MCC: variants seen among roughly 807,000 people sequenced by gnomAD.
MCC encodes colorectal mutant cancer protein.
In MCC, 90 loss-of-function variants were observed where a neutral mutation model predicts 116.2. That is an observed-to-expected ratio of 0.77 (90% CI 0.65 to 0.92). MCC has a LOEUF of 0.92. Ranked by LOEUF, MCC falls within the 40% of genes least tolerant of loss-of-function variation. The pLI is 0.00. For missense variants in MCC, 1,516 were observed against 1,312.2 expected (o/e 1.16, Z -2.40); for synonymous variants, 578 against 510.5 (o/e 1.13, Z -1.78).
intron 3 of MCC, among the ~76,000 whole-genome samples, chr5:113,196,556 T>G (rs1315343967): frequency 6.6e-6 from 1 of 152,174 alleles, no homozygotes; most frequent in African/African-American, 2.4e-5. Flanking sequence ...CAATGTTAAT[T>G]TAAAAAATAC....
At chr5:113,367,408 T>G (rs1768722832) in intron 2 of MCC, among the ~76,000 whole-genome samples, 1 of 145,106 alleles carries the variant, frequency 6.9e-6, no homozygotes. Context: ...TCAAATTTAG[T>G]GTGAAGGCTT....
intron 1 of MCC, among the ~76,000 whole-genome samples, chr5:113,420,493 A>T (rs900702683): frequency 3.3e-5 from 5 of 152,154 alleles, no homozygotes; most frequent in African/African-American, 1.2e-4. Flanking sequence ...GATCATCTCT[A>T]TGAAATAAAT....
At chr5:113,244,234 T>C (rs1367675793) in intron 3 of MCC, among the ~76,000 whole-genome samples, 1 of 152,222 alleles carries the variant, frequency 6.6e-6, no homozygotes, top group South Asian at 2.1e-4. Context: ...CCTCAGCTAA[T>C]GATATATTTT....
chr5:113,280,786 A>G lies in MCC; in HGVS notation c.627+59733T>C, dbSNP rs139176487. ...TTCTCCTTTTACCTGTTGGATATTC[A>G]GACCAACCTAGGTTGGAGGCAACAG... On this transcript the variant is annotated intron_variant, in intron 3 of 18. Coordinates refer to ENST00000408903, the MANE Select transcript of MCC (RefSeq NM_001085377.2). 4.1e-3 allele frequency among the ~76,000 whole-genome samples: 625 copies of G among 151,828 alleles called. 7 individuals carry two copies. The highest frequency in any genetic ancestry group is 0.014 in the African/African-American group (580 of 41,116).
chr5:113,143,452 T>A, intron 4 of MCC, 92 bp from the exon 5 acceptor site: 1 of 1,343,206 alleles, frequency 7.4e-7, no homozygotes, highest in Non-Finnish European at 1.0e-6. Context: ...CCATTACAAC[T>A]GCCAACACTG....
chr5:113,349,659 A>G (rs1016119871), intron 2 of MCC, among the ~76,000 whole-genome samples: 1 of 152,100 alleles, frequency 6.6e-6, no homozygotes, highest in Non-Finnish European at 1.5e-5. Context: ...CAGTTTCACC[A>G]CTGTTATTCA....
intron 3 of MCC, among the ~76,000 whole-genome samples, chr5:113,171,890 G>C (rs7711281): frequency 0.014 from 2,070 of 152,288 alleles, 64 homozygotes; most frequent in African/African-American, 0.046. Flanking sequence ...ACATAAGGAA[G>C]GCTCTCCCTT....
chr5:113,094,423 CTTTTT>C (rs397798890), intron 8 of MCC, among the ~76,000 whole-genome samples: 1 of 134,762 alleles, frequency 7.4e-6, no homozygotes, highest in Non-Finnish European at 1.6e-5. Flanking sequence ...GGCAATCTTC[CTTTTT>C]TTTTTTTTTT....
chr5:113,048,225 C>T (rs1229280034), intron 16 of MCC, among the ~76,000 whole-genome samples: 1 of 152,238 alleles, frequency 6.6e-6, no homozygotes, highest in Non-Finnish European at 1.5e-5. Context: ...TCCCCCTTAA[C>T]TGCAGTTTTG....
chr5:113,227,057 C>T (rs1763768004), intron 3 of MCC, among the ~76,000 whole-genome samples: 1 of 152,168 alleles, frequency 6.6e-6, no homozygotes, highest in South Asian at 2.1e-4. Flanking sequence ...AGCAGAGACA[C>T]CCAGGCTCAG....
chr5:113,253,026 A>C (rs912918516), intron 3 of MCC, among the ~76,000 whole-genome samples: 4 of 152,212 alleles, frequency 2.6e-5, no homozygotes, highest in Admixed American at 2.0e-4. Context: ...TTAATTTCTC[A>C]AAAATGTAAT....
intron 5 of MCC, among the ~76,000 whole-genome samples, chr5:113,136,950 G>C (rs1758870337): frequency 6.6e-6 from 1 of 152,122 alleles, no homozygotes; most frequent in African/African-American, 2.4e-5. Flanking sequence ...TTAGAGGAAA[G>C]GCCTTCAGTT....
rs1289820455 is a variant in MCC at position 113,325,288 on chromosome 5, C to A, written c.627+15231G>T. On this transcript the variant is annotated intron_variant, in intron 3 of 18. Coordinates refer to ENST00000408903, the MANE Select transcript of MCC (RefSeq NM_001085377.2). ...AACCCTTTGAAAGATATTATAGGGG[C>A]AGCGCTTGAAAAGACAAACTAAATG... Among the ~76,000 whole-genome samples, 4 of 152,264 alleles carry A rather than the reference C, an allele frequency of 2.6e-5. No individual in the cohort carries two copies. The East Asian group carries it at 7.7e-4, about 29-fold the overall frequency.
At chr5:113,133,059 G>C (rs976253463) in intron 5 of MCC, among the ~76,000 whole-genome samples, 4 of 151,906 alleles carry the variant, frequency 2.6e-5, no homozygotes, top group Non-Finnish European at 4.4e-5. Flanking sequence ...GGGTACCTGT[G>C]ACATTTTCAT....
At position 113,357,801 on chromosome 5, in the gene MCC, T is replaced by C. The variant is rs76687020; in HGVS notation, c.416-17071A>G. 2.0e-3 allele frequency among the ~76,000 whole-genome samples: 308 copies of C among 152,256 alleles called. 6 individuals are homozygous for C. Among genetic ancestry groups the C allele is most frequent in the East Asian group, 0.02 (103 of 5,172 alleles). On this transcript the variant is annotated intron_variant, in intron 2 of 18. Coordinates refer to ENST00000408903, the MANE Select transcript of MCC (RefSeq NM_001085377.2). ...CCAAGTGCTAGCAGGCCACTGAGCA[T>C]GTGGATAGCCCAACCAAAGGGAAGA...
chr5:113,420,818 A>T (rs1770312970), intron 1 of MCC, among the ~76,000 whole-genome samples: 1 of 152,138 alleles, frequency 6.6e-6, no homozygotes, highest in South Asian at 2.1e-4. Flanking sequence ...TTCCTCCTAC[A>T]CTGACTTTTT....
At chr5:113,277,024 A>G (rs762705182) in intron 3 of MCC, among the ~76,000 whole-genome samples, 3 of 151,842 alleles carry the variant, frequency 2.0e-5, no homozygotes, top group Non-Finnish European at 2.9e-5. Context: ...CTCAAGTATG[A>G]TCCCTTTAAA....
At chr5:113,282,603 C>T (rs1766092056) in intron 3 of MCC, among the ~76,000 whole-genome samples, 1 of 152,094 alleles carries the variant, frequency 6.6e-6, no homozygotes, top group African/African-American at 2.4e-5. Context: ...AAAACTCTTC[C>T]TGTCCTGGAG....
At chr5:113,046,229 G>A (rs1360539059) in intron 16 of MCC, among the ~76,000 whole-genome samples, 4 of 151,072 alleles carry the variant, frequency 2.6e-5, no homozygotes, top group Non-Finnish European at 5.9e-5. Context: ...GTCTGACTCT[G>A]TCGCCCAGGC....
Sources: gnomAD v4.1 joint callset for allele counts (sites outside exome capture counted in the v4.1 genomes callset) on GRCh38, gnomAD v4.1.1 for gene constraint, MANE v1.5 for transcripts, NCBI Gene and HGNC (gene_info 2026-07-23, HGNC 2026-07-21) for gene names.